The following GIN1 variants were observed in gnomAD, a reference collection of about 807,000 sequenced individuals.
The protein encoded by GIN1 is gypsy retrotransposon integrase-like protein 1.
GIN1 carries 41 observed loss-of-function variants against 51.4 expected under a neutral mutation model. The observed-to-expected ratio is 0.80, with a 90% CI of 0.62 to 1.04. GIN1 has a LOEUF of 1.04. Among genes scored for constraint, GIN1 ranks in the 50% least tolerant of loss-of-function variants. GIN1 has a pLI of 0.00. For synonymous variants in GIN1, 222 were observed against 206.5 expected, an observed-to-expected ratio of 1.07 and a Z score of -0.64; for missense variants, 610 against 612.4, an observed-to-expected ratio of 1.00 and a Z score of 0.04.
At chr5:103,099,222 G>C (rs1302314162) in intron 4 of GIN1, among the ~76,000 whole-genome samples, 1 of 152,140 alleles carries the variant, frequency 6.6e-6, no homozygotes, top group Non-Finnish European at 1.5e-5. Context: ...AAAGTTGTTA[G>C]GCAAACTCAG....
At chr5:103,094,991 A>T (rs953214607) in intron 7 of GIN1, among the ~76,000 whole-genome samples, 2 of 152,246 alleles carry the variant, frequency 1.3e-5, no homozygotes, top group African/African-American at 2.4e-5. Flanking sequence ...GTTGTAACCC[A>T]GATTAGAAGC....
At chr5:103,102,377 A>C (rs782359581) in intron 4 of GIN1, 5 of 152,156 alleles carry the variant, frequency 3.3e-5, no homozygotes, top group Non-Finnish European at 7.4e-5. Flanking sequence ...ACACCATGAA[A>C]ACTACCAGTT....
At chr5:103,100,264 T>G (rs928419135) in intron 4 of GIN1, among the ~76,000 whole-genome samples, 1 of 152,018 alleles carries the variant, frequency 6.6e-6, no homozygotes, top group African/African-American at 2.4e-5. Flanking sequence ...CACTCCTGGC[T>G]AATTGTTGCA....
chr5:103,107,605 C>G (rs1787762774), intron 2 of GIN1, among the ~76,000 whole-genome samples: 1 of 152,046 alleles, frequency 6.6e-6, no homozygotes, highest in Admixed American at 6.6e-5. Flanking sequence ...GTGGAACACT[C>G]CTTATTTTTT....
chr5:103,091,449 A>G (rs1787235425), intron 7 of GIN1, among the ~76,000 whole-genome samples: 1 of 152,202 alleles, frequency 6.6e-6, no homozygotes, highest in Admixed American at 6.5e-5. Flanking sequence ...CAAACATATC[A>G]TATTAAAGGT....
chr5:103,093,459 C>T (rs1369099974), intron 7 of GIN1, among the ~76,000 whole-genome samples: 1 of 152,114 alleles, frequency 6.6e-6, no homozygotes, highest in African/African-American at 2.4e-5. Context: ...TCTAGAGCTT[C>T]CAGACAGGAA....
chr5:103,097,453 C>G lies in GIN1; in HGVS notation c.869G>C (p.Ser290Thr), dbSNP rs782588762. The G allele has an allele frequency of 2.5e-6, 4 of 1,575,968 alleles. No individual in the cohort carries two copies. The African/African-American group carries it at 5.4e-5, about 21-fold the overall frequency. Residue 290 changes from serine (S) to threonine (T), a missense_variant, in exon 6 of 8, where the codon AGT (serine) becomes ACT (threonine). Transcript: ENST00000399004. ...AGTCTCAGGCATATAAGGATTTCGA[C>G]TAAACATTTGAAAATATGGTGTATT... Reference protein sequence around the residue: ...TKNTPYFQMFSRNPYMPETSD... With the variant: ...TKNTPYFQMFTRNPYMPETSD...
chr5:103,117,581 T>TACACACACACACACACAC (rs3836841), intron 1 of GIN1, among the ~76,000 whole-genome samples: 66 of 149,484 alleles, frequency 4.4e-4, no homozygotes, highest in African/African-American at 1.6e-3. Context: ...GAAAAAAATA[T>TACACACACACACACACAC]ACACACACAC....
chr5:103,088,058 C>T lies in GIN1; in HGVS notation c.1409G>A (p.Gly470Asp), dbSNP rs935251557. The T allele has an allele frequency of 1.2e-6, 2 of 1,609,416 alleles. No individual in the cohort carries two copies. The highest frequency in any genetic ancestry group is 1.7e-6 in the Non-Finnish European group (2 of 1,176,014). The stretch of plus-strand genomic sequence containing the variant: ...TGTCAGTAATTCATTATCGACTATA[C>T]CAATAGTTGCATCTTCCACCAGAAT... ...ANILVEDATI[G>D]IVDNELLTSS... Residue 470 changes from glycine to aspartate, a missense_variant, in exon 8 of 8, where the codon GGT becomes GAT. Physicochemically the swap from Gly to Asp is moderately conservative, Grantham distance 94. Coordinates refer to ENST00000399004, the MANE Select transcript of GIN1 (RefSeq NM_017676.2).
chr5:103,089,040 G>GA (rs1436895844), intron 7 of GIN1, among the ~76,000 whole-genome samples: 3 of 152,266 alleles, frequency 2.0e-5, no homozygotes, highest in Admixed American at 1.3e-4. Flanking sequence ...TAATGTGTAA[G>GA]AAGGCAGGCT....
At chr5:103,090,732 A>G (rs1372032514) in intron 7 of GIN1, among the ~76,000 whole-genome samples, 1 of 152,204 alleles carries the variant, frequency 6.6e-6, no homozygotes, top group African/African-American at 2.4e-5. Context: ...AGGGAAAAAT[A>G]TGCCTAGATG....
chr5:103,106,311 G>C (rs551630897), intron 3 of GIN1, among the ~76,000 whole-genome samples: 2 of 152,058 alleles, frequency 1.3e-5, no homozygotes, highest in African/African-American at 2.4e-5. Context: ...AAATGGAACA[G>C]GCACAAAAGA....
At chr5:103,117,394 G>C (rs1276825022) in intron 1 of GIN1, among the ~76,000 whole-genome samples, 2 of 151,752 alleles carry the variant, frequency 1.3e-5, no homozygotes, top group Non-Finnish European at 2.9e-5. Flanking sequence ...CAATGCCAAC[G>C]CAATTGCACT....
At chr5:103,093,070 G>A (rs1321005604) in intron 7 of GIN1, among the ~76,000 whole-genome samples, 2 of 151,658 alleles carry the variant, frequency 1.3e-5, no homozygotes, top group African/African-American at 4.8e-5. Flanking sequence ...TGACACTATA[G>A]GGACTGTGCT....
chr5:103,106,937 A>T, intron 2 of GIN1, 28 bp from the exon 3 acceptor site: 1 of 1,275,976 alleles, frequency 7.8e-7, no homozygotes, highest in Non-Finnish European at 1.1e-6. Context: ...AAAAGATAGA[A>T]TTGCAATTTT....
intron 1 of GIN1, among the ~76,000 whole-genome samples, chr5:103,115,716 A>T (rs911334667): frequency 1.3e-5 from 2 of 150,578 alleles, no homozygotes; most frequent in African/African-American, 4.9e-5. Flanking sequence ...AATTAAAACA[A>T]TTTTTTTTTT....
rs544751379 is a variant in GIN1, at chr5:103,114,932, T to C, written c.-8+5132A>G. Among the ~76,000 whole-genome samples, 243 of 152,234 alleles carry C rather than the reference T, an allele frequency of 1.6e-3. 1 individual carries two copies. Among genetic ancestry groups the C allele is most frequent in the South Asian group, 3.1e-3 (15 of 4,824 alleles). On this transcript the variant is annotated intron_variant, in intron 1 of 7. Coordinates refer to ENST00000399004, the MANE Select transcript of GIN1 (RefSeq NM_017676.2). Reference sequence around the variant, plus strand: ...AGAACCATAATGTAGCTAGTGGTTTTGGCAACAGTATACAGTATAGTTACA... The same window carrying C: ...AGAACCATAATGTAGCTAGTGGTTTCGGCAACAGTATACAGTATAGTTACA...
chr5:103,117,402 A>G (rs1295138547), intron 1 of GIN1, among the ~76,000 whole-genome samples: 2 of 152,064 alleles, frequency 1.3e-5, no homozygotes, highest in Admixed American at 1.3e-4. Context: ...ACGCAATTGC[A>G]CTGCATAAGA....
chr5:103,095,167 T>A (rs1317137135), intron 7 of GIN1, among the ~76,000 whole-genome samples: 2 of 152,256 alleles, frequency 1.3e-5, no homozygotes, highest in South Asian at 4.1e-4. Flanking sequence ...TTCCATTAAA[T>A]GTTACTTATA....
Sources: allele counts gnomAD v4.1 joint callset (sites outside exome capture counted in the v4.1 genomes callset), GRCh38; gene constraint gnomAD v4.1.1; transcripts MANE v1.5; gene names NCBI Gene and HGNC (gene_info 2026-07-23, HGNC 2026-07-21).